Variants in ZFYVE1 observed in about 807,000 individuals in gnomAD.
The protein encoded by ZFYVE1 is zinc finger FYVE-type containing 1.
A neutral mutation model predicts 74.4 loss-of-function variants in ZFYVE1; 30 were observed. The ratio of observed to expected loss-of-function variants is 0.40; its 90% confidence interval spans 0.30 to 0.55. The LOEUF is 0.55. Among genes scored for constraint, ZFYVE1 ranks in the 20% least tolerant of loss-of-function variants. The probability of loss-of-function intolerance (pLI) is 0.42; values close to 1 mark genes in which losing one functional copy is unlikely to be tolerated. For missense variants in ZFYVE1, 703 were observed against 1,011.6 expected, an observed-to-expected ratio of 0.69 and a Z score of 4.14; for synonymous variants, 335 against 385.1, an observed-to-expected ratio of 0.87 and a Z score of 1.52.
chr14:72,971,760 C>T (rs1218371390), intron 11 of ZFYVE1, among the ~76,000 whole-genome samples: 1 of 152,182 alleles, frequency 6.6e-6, no homozygotes, highest in Non-Finnish European at 1.5e-5. Flanking sequence ...TGCACCCCCA[C>T]ACCCAGCTCC....
intron 2 of ZFYVE1, among the ~76,000 whole-genome samples, chr14:73,005,728 C>T (rs931027590): frequency 2.0e-5 from 3 of 152,114 alleles, no homozygotes; most frequent in African/African-American, 7.2e-5. Context: ...AGTAAGCACT[C>T]GATACGTGAA....
At chr14:73,009,447 T>C (rs1894043628) in intron 2 of ZFYVE1, among the ~76,000 whole-genome samples, 1 of 152,160 alleles carries the variant, frequency 6.6e-6, no homozygotes, top group African/African-American at 2.4e-5. Context: ...GAAATTTCAT[T>C]ATCCCAAGTA....
At chr14:72,986,956 G>A in intron 4 of ZFYVE1, 2 of 985,368 alleles carry the variant, frequency 2.0e-6, no homozygotes, top group Non-Finnish European at 2.4e-6. Context: ...GAAGAGAAAG[G>A]CAGGGAAGGG....
At chr14:73,019,119 C>T (rs1355119772) in intron 2 of ZFYVE1, among the ~76,000 whole-genome samples, 1 of 152,080 alleles carries the variant, frequency 6.6e-6, no homozygotes, top group African/African-American at 2.4e-5. Flanking sequence ...ACTCAAATGA[C>T]AAGGTAATGA....
In ZFYVE1 at chr14:72,970,458, G is replaced by GT. The variant is rs1275872120; in HGVS notation, c.*423dup. On this transcript the variant is annotated 3_prime_UTR_variant, in exon 12 of 12. Transcript: ENST00000556143. Reference sequence around the variant, plus strand: ...AGCAGCAGAGGAAGGGGCCAGCCACGTGGTGGCCATGGACCTGGCTCGGCT... The same window carrying GT: ...AGCAGCAGAGGAAGGGGCCAGCCACGTTGGTGGCCATGGACCTGGCTCGGCT... 2 of 190,476 alleles carry GT rather than the reference G, an allele frequency of 1.0e-5. No homozygotes were observed. Among genetic ancestry groups the GT allele is most frequent in the Non-Finnish European group, 2.2e-5 (2 of 90,514 alleles). The allele number at this position is 190,476 out of a possible 1,614,324, so 11.8% of individuals were successfully genotyped here. A position where few individuals can be genotyped will look rare whatever the true frequency, so the allele number is the denominator to read the frequency against.
At chr14:72,994,711 C>A (rs1252030460) in intron 3 of ZFYVE1, among the ~76,000 whole-genome samples, 2 of 152,196 alleles carry the variant, frequency 1.3e-5, no homozygotes, top group Non-Finnish European at 2.9e-5. Flanking sequence ...TTGGCCCTTT[C>A]AGACATTTTT....
chr14:73,003,470 G>C (rs1893916847), intron 2 of ZFYVE1, among the ~76,000 whole-genome samples: 1 of 152,146 alleles, frequency 6.6e-6, no homozygotes, highest in South Asian at 2.1e-4. Flanking sequence ...CCCGTGCTTT[G>C]GGAGGCCAAG....
chr14:73,022,920 T>C (rs569326621), intron 2 of ZFYVE1, among the ~76,000 whole-genome samples: 2 of 152,058 alleles, frequency 1.3e-5, no homozygotes, highest in East Asian at 3.9e-4. Flanking sequence ...CCCAGCACTC[T>C]GGGAGGCCAA....
At chr14:73,008,580 T>A (rs1374521724) in intron 2 of ZFYVE1, among the ~76,000 whole-genome samples, 1 of 152,244 alleles carries the variant, frequency 6.6e-6, no homozygotes, top group Non-Finnish European at 1.5e-5. Context: ...AATCCATTTA[T>A]ATCTGAATAA....
In ZFYVE1 at chr14:72,969,997, C is replaced by T. The variant is rs1413532092; in HGVS notation, c.*885G>A. ...AAGCAATGAAAATCCTAGTGCGACA[C>T]TCAGAAGCAGATGGTGGGCTTGAGG... On this transcript the variant is annotated 3_prime_UTR_variant, in exon 12 of 12. Coordinates refer to ENST00000556143, the MANE Select transcript of ZFYVE1 (RefSeq NM_021260.4). 2.1e-6 allele frequency: 1 copy of T among 477,988 alleles called. No individual in the cohort carries two copies. The highest frequency in any genetic ancestry group is 2.0e-5 in the African/African-American group (1 of 50,414). 29.6% of individuals were successfully genotyped at this position (477,988 alleles called of 1,614,324 possible). A position where few individuals can be genotyped will look rare whatever the true frequency, so the allele number is the denominator to read the frequency against.
At position 72,969,861 on chromosome 14, in the gene ZFYVE1, A is replaced by C; in HGVS notation, c.*1021T>G. On this transcript the variant is annotated 3_prime_UTR_variant, in exon 12 of 12. Transcript: ENST00000556143. ...AATATTTATATAGACTTTTAAAAAC[A>C]ACTAACAGTTCATCCTGTGCTCAGT... 1.6e-6 allele frequency: 1 copy of C among 641,742 alleles called. No homozygotes were observed. Among genetic ancestry groups the C allele is most frequent in the Admixed American group, 2.6e-5 (1 of 38,814 alleles). 39.8% of individuals were successfully genotyped at this position (641,742 alleles called of 1,614,324 possible). A position where few individuals can be genotyped will look rare whatever the true frequency, so the allele number is the denominator to read the frequency against.
Position 72,969,937 on chromosome 14 carries a change from G to A in ZFYVE1, c.*945C>T, listed in dbSNP as rs1294105700. On this transcript the variant is annotated 3_prime_UTR_variant, in exon 12 of 12. Transcript: ENST00000556143. ...CCCCTCCGAGAGCTAGAGGGGTTGTGTGTCTGGGAACAAAGGATTAAGACA... is the reference window on the plus strand; with the variant it reads ...CCCCTCCGAGAGCTAGAGGGGTTGTATGTCTGGGAACAAAGGATTAAGACA... The A allele has an allele frequency of 2.2e-5, 13 of 591,400 alleles. No homozygotes were observed. The East Asian group carries it at 3.4e-4, about 15-fold the overall frequency. The allele number at this position is 591,400 out of a possible 1,614,324, so 36.6% of individuals were successfully genotyped here. A position where few individuals can be genotyped will look rare whatever the true frequency, so the allele number is the denominator to read the frequency against.
In ZFYVE1 at chr14:72,975,502, A is replaced by C. The variant is rs1409903162; in HGVS notation, c.1806+49T>G. ...CTTAGCACAGGGCAAAGCGGCATTAAGTAGGATGGGCTGTGCCAGGAGTGG... is the reference window on the plus strand; with the variant it reads ...CTTAGCACAGGGCAAAGCGGCATTACGTAGGATGGGCTGTGCCAGGAGTGG... On this transcript the variant is annotated intron_variant, in intron 9 of 11. Coordinates refer to ENST00000556143, the MANE Select transcript of ZFYVE1 (RefSeq NM_021260.4). The surrounding 1 kb of genome is among the most constrained non-coding windows in gnomAD (Gnocchi z 4.1). 3.2e-6 allele frequency: 5 copies of C among 1,573,766 alleles called. No homozygotes were observed. The highest frequency in any genetic ancestry group is 3.5e-4 in the Middle Eastern group (2 of 5,772).
At chr14:73,005,922 CA>C (rs1318124527) in intron 2 of ZFYVE1, among the ~76,000 whole-genome samples, 8 of 151,756 alleles carry the variant, frequency 5.3e-5, no homozygotes, top group African/African-American at 1.9e-4. Context: ...AATCAAAACA[CA>C]TTTTTTTTTT....
chr14:72,996,640 C>T (rs1893755493), intron 3 of ZFYVE1, among the ~76,000 whole-genome samples: 1 of 152,300 alleles, frequency 6.6e-6, no homozygotes, highest in South Asian at 2.1e-4. Flanking sequence ...TTCCCCTCCT[C>T]CATCTAGCCA....
chr14:73,022,547 T>A (rs1316623906), intron 2 of ZFYVE1, among the ~76,000 whole-genome samples: 1 of 152,178 alleles, frequency 6.6e-6, no homozygotes, highest in African/African-American at 2.4e-5. Flanking sequence ...GTGCCTCAGT[T>A]TCACTGGTAC....
rs2140397322 is a variant in ZFYVE1 at position 73,026,950 on chromosome 14, G to A, written c.-459C>T. On this transcript the variant is annotated 5_prime_UTR_variant, in exon 1 of 12. Coordinates refer to ENST00000556143, the MANE Select transcript of ZFYVE1 (RefSeq NM_021260.4). Reference sequence around the variant, plus strand: ...CCACTGAGAAGCTCGGCCGCAGCAAGGCGGCGTCGGGGGGCCGCAGGGCGC... The same window carrying A: ...CCACTGAGAAGCTCGGCCGCAGCAAAGCGGCGTCGGGGGGCCGCAGGGCGC... The A allele has an allele frequency of 2.5e-6, 1 of 398,828 alleles. No individual in the cohort carries two copies. The highest frequency in any genetic ancestry group is 4.4e-6 in the Non-Finnish European group (1 of 226,270). The allele number at this position is 398,828 out of a possible 1,614,324, so 24.7% of individuals were successfully genotyped here. A position where few individuals can be genotyped will look rare whatever the true frequency, so the allele number is the denominator to read the frequency against.
At chr14:73,005,486 C>A (rs977328175) in intron 2 of ZFYVE1, among the ~76,000 whole-genome samples, 8 of 152,168 alleles carry the variant, frequency 5.3e-5, no homozygotes, top group African/African-American at 1.2e-4. Context: ...ACCAAAGCCA[C>A]CCCTCCCCAA....
intron 11 of ZFYVE1, among the ~76,000 whole-genome samples, chr14:72,971,820 C>G (rs559919962): frequency 1.3e-5 from 2 of 152,098 alleles, no homozygotes; most frequent in Non-Finnish European, 2.9e-5. Context: ...AAGGGGCAGC[C>G]GTGTTAAGAA....
Sources: allele counts gnomAD v4.1 joint callset (sites outside exome capture counted in the v4.1 genomes callset), GRCh38; gene constraint gnomAD v4.1.1; non-coding constraint Gnocchi (gnomAD v3.1); transcripts MANE v1.5; gene names NCBI Gene and HGNC (gene_info 2026-07-23, HGNC 2026-07-21).